The following OR6N1 variants were observed in gnomAD, a reference collection of about 807,000 sequenced individuals.
OR6N1 encodes the protein olfactory receptor 6N1.
For missense variants in OR6N1, 394 were observed against 371.7 expected, an observed-to-expected ratio of 1.06 and a Z score of -0.49; for synonymous variants, 170 against 150.7, an observed-to-expected ratio of 1.13 and a Z score of -0.94.
At chr1:158,798,441 G>T in the OR6N1 span, among the ~76,000 whole-genome samples, 58 of 151,738 alleles carry the variant, frequency 3.8e-4, no homozygotes, top group African/African-American at 1.3e-3. Context: ...TTCAGATATA[G>T]ATGTTTTCTA....
At chr1:158,797,231 T>C in the OR6N1 span, among the ~76,000 whole-genome samples, 1 of 152,204 alleles carries the variant, frequency 6.6e-6, no homozygotes. Flanking sequence ...CCTTTCTGTG[T>C]GTTGAGGCAG....
chr1:158,790,041 A>C, the OR6N1 span, among the ~76,000 whole-genome samples: 44 of 152,256 alleles, frequency 2.9e-4, no homozygotes, highest in African/African-American at 9.9e-4. Context: ...GTCTAGTTTC[A>C]TTCTTCTTCA....
chr1:158,770,384 G>A (rs1657394840), intron 1 of OR6N1, among the ~76,000 whole-genome samples: 1 of 152,092 alleles, frequency 6.6e-6, no homozygotes, highest in Non-Finnish European at 1.5e-5. Context: ...CATCTTCCAA[G>A]TTCACAGTTC....
chr1:158,786,990 A>AT, the OR6N1 span, among the ~76,000 whole-genome samples: 21 of 151,638 alleles, frequency 1.4e-4, no homozygotes, highest in South Asian at 2.1e-4. Flanking sequence ...AATACTATTG[A>AT]TTTTTTTTTA....
the OR6N1 span, among the ~76,000 whole-genome samples, chr1:158,833,660 T>C: frequency 2.6e-5 from 4 of 152,246 alleles, no homozygotes; most frequent in African/African-American, 4.8e-5. Flanking sequence ...TGTGTCAGAA[T>C]ATTCTTTCTT....
At chr1:158,795,886 TG>T in the OR6N1 span, 1 of 152,334 alleles carries the variant, frequency 6.6e-6, no homozygotes, top group Admixed American at 6.5e-5. Flanking sequence ...TCAGTTTTCC[TG>T]TTAAGTTCCT....
the OR6N1 span, among the ~76,000 whole-genome samples, chr1:158,797,182 C>T: frequency 6.6e-6 from 1 of 152,202 alleles, no homozygotes; most frequent in African/African-American, 2.4e-5. Context: ...TTGTCTCTGT[C>T]ATTCTTCAGG....
At chr1:158,839,003 T>G in the OR6N1 span, among the ~76,000 whole-genome samples, 2 of 152,196 alleles carry the variant, frequency 1.3e-5, no homozygotes, top group Non-Finnish European at 2.9e-5. Flanking sequence ...TGTCTCTACC[T>G]ATTTTCCTTT....
chr1:158,790,286 G>A, the OR6N1 span, among the ~76,000 whole-genome samples: 2 of 151,418 alleles, frequency 1.3e-5, no homozygotes, highest in Admixed American at 1.3e-4. Context: ...ATCTAGCTTT[G>A]TTCTTTTTGT....
upstream of OR6N1, chr1:158,774,987 C>T (rs867291086): frequency 6.6e-6 from 1 of 152,132 alleles, no homozygotes; most frequent in Non-Finnish European, 1.5e-5. Flanking sequence ...TCATTCATTA[C>T]GATTGCATTG....
the OR6N1 span, among the ~76,000 whole-genome samples, chr1:158,818,951 C>A: frequency 6.6e-6 from 1 of 152,154 alleles, no homozygotes; most frequent in African/African-American, 2.4e-5. Context: ...TTCTCCTAAG[C>A]AACTCAGGGG....
At chr1:158,825,186 T>G in the OR6N1 span, among the ~76,000 whole-genome samples, 1 of 152,122 alleles carries the variant, frequency 6.6e-6, no homozygotes, top group Non-Finnish European at 1.5e-5. Flanking sequence ...ACGCCTGTAA[T>G]CCCAGCACTT....
the OR6N1 span, among the ~76,000 whole-genome samples, chr1:158,824,103 T>C: frequency 6.6e-6 from 1 of 152,276 alleles, no homozygotes; most frequent in African/African-American, 2.4e-5. Context: ...TTTGGCTGTG[T>C]CCCTACCCAA....
At chr1:158,803,720 C>T in the OR6N1 span, among the ~76,000 whole-genome samples, 1 of 152,214 alleles carries the variant, frequency 6.6e-6, no homozygotes, top group African/African-American at 2.4e-5. Flanking sequence ...AGGCTATCAA[C>T]ATGACAAATA....
chr1:158,805,501 A>G, the OR6N1 span, among the ~76,000 whole-genome samples: 1 of 152,174 alleles, frequency 6.6e-6, no homozygotes, highest in Admixed American at 6.5e-5. Context: ...CAGTCCAAGG[A>G]CTTCAATTCC....
chr1:158,776,151 G>C (rs1461417102), upstream of OR6N1: 1 of 152,264 alleles, frequency 6.6e-6, no homozygotes, highest in Non-Finnish European at 1.5e-5. Context: ...TGAGAGTTAG[G>C]GAGAGTTAAG....
chr1:158,814,248 T>C, the OR6N1 span, among the ~76,000 whole-genome samples: 1 of 152,196 alleles, frequency 6.6e-6, no homozygotes, highest in African/African-American at 2.4e-5. Flanking sequence ...TTTGGGTAAG[T>C]ATACATATAT....
At chr1:158,810,349 C>T in the OR6N1 span, among the ~76,000 whole-genome samples, 1 of 152,110 alleles carries the variant, frequency 6.6e-6, no homozygotes, top group Non-Finnish European at 1.5e-5. Context: ...ATAGCATTCT[C>T]CTCGGCATCC....
the OR6N1 span, among the ~76,000 whole-genome samples, chr1:158,821,648 G>C: frequency 6.6e-6 from 1 of 152,074 alleles, no homozygotes; most frequent in African/African-American, 2.4e-5. Flanking sequence ...GTATTCCACT[G>C]TCTGGATATA....
Sources: gnomAD v4.1 joint callset for allele counts (sites outside exome capture counted in the v4.1 genomes callset) on GRCh38, gnomAD v4.1.1 for gene constraint, MANE v1.5 for transcripts, NCBI Gene and HGNC (gene_info 2026-07-23, HGNC 2026-07-21) for gene names.